Variants in NUP62CL observed in about 807,000 individuals in gnomAD.
The protein encoded by NUP62CL is nucleoporin-62 C-terminal-like protein.
In NUP62CL, 13 loss-of-function variants were observed where a neutral mutation model predicts 15.3. That is an observed-to-expected ratio of 0.85 (90% CI 0.55 to 1.35). The LOEUF (loss-of-function observed/expected upper bound fraction) is 1.35. NUP62CL is among the 40% of genes most tolerant of loss of function. The probability of loss-of-function intolerance (pLI) is 0.00; values close to 1 mark genes in which losing one functional copy is unlikely to be tolerated. For missense variants in NUP62CL, 123 were observed against 130.6 expected, an observed-to-expected ratio of 0.94 and a Z score of 0.28; for synonymous variants, 54 against 49.2, an observed-to-expected ratio of 1.10 and a Z score of -0.41.
intron 8 of NUP62CL, among the ~76,000 whole-genome samples, chrX:107,133,662 C>T (rs763573886): frequency 7.1e-5 from 8 of 112,692 alleles, no homozygotes; most frequent in South Asian, 3.7e-4. Context: ...TAATTCTGGC[C>T]GGGCGCAGTG....
chrX:107,158,185 C>T (rs1926259649), intron 4 of NUP62CL, among the ~76,000 whole-genome samples: 1 of 64,280 alleles, frequency 1.6e-5, no homozygotes, highest in Non-Finnish European at 2.7e-5. Context: ...TAATGGGAGA[C>T]TTTAACACCC....
Position 107,154,219 on chromosome X carries a change from A to G in NUP62CL, c.222T>C (p.Tyr74=). 1 of 1,200,801 alleles carries G rather than the reference A, an allele frequency of 8.3e-7. No individual in the cohort carries two copies. The highest frequency in any genetic ancestry group is 1.1e-6 in the Non-Finnish European group (1 of 888,406). ...CATTTATAAGACCCTCCAGATGACC[A>G]TATGTCATCACAGGAGTTGCTACTA... The part of the protein sequence containing the change: ...VSVVATPVMT[Y]GHLEGLINEW... Residue 74 remains tyrosine (Y), a synonymous_variant, in exon 5 of 9, where the codon TAT becomes TAC. Coordinates refer to ENST00000372466, the MANE Select transcript of NUP62CL (RefSeq NM_017681.3).
chrX:107,157,900 C>G (rs1449271616), intron 4 of NUP62CL, among the ~76,000 whole-genome samples: 3 of 109,733 alleles, frequency 2.7e-5, no homozygotes, highest in Admixed American at 9.7e-5. Flanking sequence ...TGTGCAGAGA[C>G]ACACATAGGC....
At chrX:107,185,196 CAAAAAA>C (rs3072235) in intron 2 of NUP62CL, among the ~76,000 whole-genome samples, 1 of 20,982 alleles carries the variant, frequency 4.8e-5, no homozygotes, top group African/African-American at 1.5e-4. Flanking sequence ...GACTCCGTCT[CAAAAAA>C]AAAAAAAAAA....
chrX:107,133,527 G>A (rs1925568861), intron 8 of NUP62CL, among the ~76,000 whole-genome samples: 1 of 111,042 alleles, frequency 9.0e-6, no homozygotes, highest in Non-Finnish European at 1.9e-5. Context: ...TTAAGAGATG[G>A]GTTCTCATTA....
chrX:107,150,475 G>C (rs1925983152), intron 7 of NUP62CL, among the ~76,000 whole-genome samples: 1 of 111,743 alleles, frequency 8.9e-6, no homozygotes, highest in South Asian at 3.7e-4. Flanking sequence ...CGGAAAAAAG[G>C]GACTAGCTTA....
At chrX:107,156,569 CCTGT>C (rs1926200738) in intron 4 of NUP62CL, among the ~76,000 whole-genome samples, 1 of 95,930 alleles carries the variant, frequency 1.0e-5, no homozygotes, top group South Asian at 5.8e-4. Context: ...AGCTGAGGGT[CCTGT>C]CTGTTAGAAG....
rs191508483 is a variant in NUP62CL, at chrX:107,145,826, C to T, written c.*42+1917G>A. On this transcript the variant is annotated intron_variant, in intron 8 of 8. Transcript: ENST00000372466. ...TCCACTTATTTTTGTTTGCTTGCTT[C>T]GAATTTTTTTTCTCATAACGAACTT... Among the ~76,000 whole-genome samples the T allele has an allele frequency of 5.8e-4, 64 of 111,051 alleles. 1 individual carries two copies. Among genetic ancestry groups the T allele is most frequent in the Non-Finnish European group, 2.3e-4 (12 of 52,800 alleles).
chrX:107,154,677 A>G (rs759961223), intron 4 of NUP62CL, among the ~76,000 whole-genome samples: 1 of 111,211 alleles, frequency 9.0e-6, no homozygotes, highest in South Asian at 3.9e-4. Flanking sequence ...GGCATTCCTC[A>G]CTGGGTAGAA....
At chrX:107,156,218 T>G (rs1488659297) in intron 4 of NUP62CL, among the ~76,000 whole-genome samples, 5 of 111,624 alleles carry the variant, frequency 4.5e-5, no homozygotes, top group African/African-American at 1.6e-4. Context: ...CGCCCGCCAT[T>G]GCCCAGGCTT....
intron 4 of NUP62CL, among the ~76,000 whole-genome samples, chrX:107,157,991 A>C (rs931544930): frequency 1.0e-5 from 1 of 100,350 alleles, no homozygotes; most frequent in Non-Finnish European, 2.0e-5. Flanking sequence ...AGTCTCTGAT[A>C]AAACAGACTT....
chrX:107,180,013 T>C (rs1256340749), intron 2 of NUP62CL, among the ~76,000 whole-genome samples: 1 of 112,398 alleles, frequency 8.9e-6, no homozygotes, highest in Non-Finnish European at 1.9e-5. Flanking sequence ...TATGTCTTCA[T>C]ATCATGTTTA....
chrX:107,167,756 A>C lies in NUP62CL; in HGVS notation c.87T>G (p.Thr29=). The change falls in exon 4 of 9, where the codon ACT becomes ACG. Residue 29 remains threonine (T), a synonymous_variant. Coordinates refer to ENST00000372466, the MANE Select transcript of NUP62CL (RefSeq NM_017681.3). The stretch of plus-strand genomic sequence containing the variant: ...TTGTGGTAGTAGTGTTGGTGGTGAA[A>C]GTGGCGGTGGTAGTCGTTGAAGTTG... ...SFTTSTTTTA[T]FTTNTTTTIT... The C allele has an allele frequency of 1.7e-6, 2 of 1,193,376 alleles. No homozygotes were observed. Among genetic ancestry groups the C allele is most frequent in the Non-Finnish European group, 2.3e-6 (2 of 880,059 alleles).
intron 1 of NUP62CL, among the ~76,000 whole-genome samples, chrX:107,204,177 G>A (rs1251397115): frequency 1.8e-5 from 2 of 111,332 alleles, no homozygotes; most frequent in Middle Eastern, 9.3e-3. Flanking sequence ...AGTTAGGGAA[G>A]CTCTCTTTCT....
chrX:107,167,447 T>C (rs758805936), intron 4 of NUP62CL, among the ~76,000 whole-genome samples: 1 of 112,138 alleles, frequency 8.9e-6, no homozygotes, highest in East Asian at 2.8e-4. Flanking sequence ...ATAGTAATGA[T>C]TCTATTATAA....
intron 2 of NUP62CL, among the ~76,000 whole-genome samples, chrX:107,180,217 AC>A (rs1440064732): frequency 8.9e-6 from 1 of 112,257 alleles, no homozygotes; most frequent in Non-Finnish European, 1.9e-5. Context: ...AATTGGTACA[AC>A]TATGGGAAAC....
chrX:107,186,529 TA>T (rs1235191774), intron 2 of NUP62CL, among the ~76,000 whole-genome samples: 2 of 111,682 alleles, frequency 1.8e-5, no homozygotes, highest in African/African-American at 3.3e-5. Flanking sequence ...TCTACTACTT[TA>T]AAAAAATGTC....
At position 107,163,686 on chromosome X, in the gene NUP62CL, A is replaced by AT. The variant is rs200268360; in HGVS notation, c.194+3962dup. Among the ~76,000 whole-genome samples the AT allele has an allele frequency of 6.4e-3, 713 of 111,941 alleles. 6 individuals are homozygous for AT. Among genetic ancestry groups the AT allele is most frequent in the African/African-American group, 0.022 (671 of 30,868 alleles). On this transcript the variant is annotated intron_variant, in intron 4 of 8. Transcript: ENST00000372466. ...GGAAAGAATGTACCATGCAAGGTTCATTTTTTTAAAAAGAAATGGCTATAT... is the reference window on the plus strand; with the variant it reads ...GGAAAGAATGTACCATGCAAGGTTCATTTTTTTTAAAAAGAAATGGCTATAT...
At chrX:107,168,774 A>G (rs1004928610) in intron 3 of NUP62CL, among the ~76,000 whole-genome samples, 3 of 112,394 alleles carry the variant, frequency 2.7e-5, no homozygotes, top group Non-Finnish European at 5.6e-5. Flanking sequence ...TGTTTGTTTT[A>G]TGTTAGCTTT....
Sources: allele counts gnomAD v4.1 joint callset (sites outside exome capture counted in the v4.1 genomes callset), GRCh38; gene constraint gnomAD v4.1.1; transcripts MANE v1.5; gene names NCBI Gene and HGNC (gene_info 2026-07-23, HGNC 2026-07-21).